NEXN: variants seen among roughly 807,000 people sequenced by gnomAD.
NEXN encodes nexilin F-actin binding protein, also known as nexilin.
A neutral mutation model predicts 92.6 loss-of-function variants in NEXN; 65 were observed. The ratio of observed to expected loss-of-function variants is 0.70; its 90% CI spans 0.57 to 0.86. The LOEUF (loss-of-function observed/expected upper bound fraction) is 0.86, where lower values mean the gene tolerates loss of function less well. Among genes scored for constraint, NEXN ranks in the 40% least tolerant of loss-of-function variants. NEXN has a pLI of 0.00. For missense variants in NEXN, 778 were observed against 771.1 expected (o/e 1.01, Z -0.11); for synonymous variants, 254 against 242.5 (o/e 1.05, Z -0.44).
intron 5 of NEXN, among the ~76,000 whole-genome samples, chr1:77,923,996 A>G (rs1460182880): frequency 6.6e-6 from 1 of 151,506 alleles, no homozygotes; most frequent in African/African-American, 2.4e-5. Context: ...TTTTTAAATG[A>G]GGAGCTTTCC....
intron 9 of NEXN, among the ~76,000 whole-genome samples, chr1:77,931,446 C>T (rs1037524497): frequency 3.3e-4 from 45 of 136,612 alleles, no homozygotes; most frequent in Admixed American, 1.4e-3. Flanking sequence ...AAAAAAGAAG[C>T]GGTAGAAGAG....
Position 77,942,382 on chromosome 1 carries a change from T to A in NEXN, c.1660-79T>A, listed in dbSNP as rs529057540. On this transcript the variant is annotated intron_variant, in intron 12 of 12. Coordinates refer to ENST00000334785, the MANE Select transcript of NEXN (RefSeq NM_144573.4). ...TATGTTCTTTACTTAAAAAAAAAAA[T>A]TTCATTTCAAAATTGTTACTAAATC... 2.5e-4 allele frequency: 371 copies of A among 1,508,936 alleles called. 1 individual carries two copies. The African/African-American group carries it at 3.6e-3, about 15-fold the overall frequency. 93.5% of individuals were successfully genotyped at this position (1,508,936 alleles called of 1,614,324 possible). A position where few individuals can be genotyped will look rare whatever the true frequency, so the allele number is the denominator to read the frequency against.
chr1:77,890,497 C>T (rs1311336027), intron 1 of NEXN, among the ~76,000 whole-genome samples: 5 of 152,106 alleles, frequency 3.3e-5, no homozygotes, highest in Non-Finnish European at 7.4e-5. Context: ...AAATGTATGT[C>T]ATCTTGAGAT....
chr1:77,935,411 G>A (rs1650668147), intron 10 of NEXN, among the ~76,000 whole-genome samples: 1 of 152,152 alleles, frequency 6.6e-6, no homozygotes, highest in South Asian at 2.1e-4. Flanking sequence ...AGCTAATCTT[G>A]TCATGAATAT....
At chr1:77,941,946 AAAC>A in intron 11 of NEXN, 74 bp from the exon 12 acceptor site, 1 of 1,428,428 alleles carries the variant, frequency 7.0e-7, no homozygotes, top group South Asian at 1.2e-5. Flanking sequence ...TTGTGCTTCT[AAAC>A]ACCTTTAGAA....
At chr1:77,919,617 CTT>C (rs1000640087) in intron 5 of NEXN, among the ~76,000 whole-genome samples, 13 of 139,140 alleles carry the variant, frequency 9.3e-5, no homozygotes, top group Admixed American at 1.5e-4. Flanking sequence ...GAGTTTTGCT[CTT>C]GTCGCCCAGG....
At chr1:77,937,663 T>C (rs1006513769) in intron 11 of NEXN, among the ~76,000 whole-genome samples, 3 of 152,120 alleles carry the variant, frequency 2.0e-5, no homozygotes, top group Admixed American at 2.0e-4. Context: ...CACTCTAGCC[T>C]TGGCGACAGA....
intron 10 of NEXN, among the ~76,000 whole-genome samples, chr1:77,934,635 C>T (rs1035350854): frequency 2.9e-4 from 44 of 152,196 alleles, no homozygotes; most frequent in African/African-American, 1.0e-3. Context: ...CTTCCCTCTT[C>T]GGACTCTGCT....
At chr1:77,940,331 A>G (rs981518485) in intron 11 of NEXN, among the ~76,000 whole-genome samples, 5 of 152,214 alleles carry the variant, frequency 3.3e-5, no homozygotes, top group African/African-American at 1.2e-4. Flanking sequence ...ATGGGCTGAG[A>G]GTACCAATGC....
intron 1 of NEXN, among the ~76,000 whole-genome samples, chr1:77,890,064 G>GA (rs1295297910): frequency 2.6e-5 from 4 of 152,032 alleles, no homozygotes; most frequent in Non-Finnish European, 5.9e-5. Context: ...GTATTGTTAA[G>GA]AAAAAATGCA....
At chr1:77,924,935 C>T (rs935807986) in intron 5 of NEXN, among the ~76,000 whole-genome samples, 3 of 152,192 alleles carry the variant, frequency 2.0e-5, no homozygotes, top group Non-Finnish European at 2.9e-5. Context: ...GCTGGGATTA[C>T]AGGCATGAGC....
intron 1 of NEXN, among the ~76,000 whole-genome samples, chr1:77,913,866 C>T (rs972040102): frequency 6.6e-6 from 1 of 152,158 alleles, no homozygotes; most frequent in African/African-American, 2.4e-5. Context: ...AATGGATAAA[C>T]TGTGGTACAT....
At chr1:77,897,565 CAAAAACTGGAAGCATTCCCTTT>C (rs1557959670) in intron 1 of NEXN, among the ~76,000 whole-genome samples, 2 of 151,948 alleles carry the variant, frequency 1.3e-5, no homozygotes, top group Non-Finnish European at 2.9e-5. Flanking sequence ...ACTGAATGGA[CAAAAACTGGAAGCATTCCCTTT>C]GAAAACTGGC....
At chr1:77,936,071 T>C in intron 11 of NEXN, 27 bp downstream of exon 11, 1 of 1,473,918 alleles carries the variant, frequency 6.8e-7, no homozygotes, top group Non-Finnish European at 9.5e-7. Flanking sequence ...TTTAACATAG[T>C]TATGGTACAG....
Position 77,943,407 on chromosome 1 carries a change from T to A in NEXN, c.*578T>A, listed in dbSNP as rs184159947. ...TAGTACACCATTTTGGTTGTTGTAGTTTCAAAGTCTTTCTGAAGCAGATAT... is the reference window on the plus strand; with the variant it reads ...TAGTACACCATTTTGGTTGTTGTAGATTCAAAGTCTTTCTGAAGCAGATAT... On this transcript the variant is annotated 3_prime_UTR_variant, in exon 13 of 13. Transcript: ENST00000334785. 1.7e-4 allele frequency: 28 copies of A among 164,054 alleles called. No homozygotes were observed. Among genetic ancestry groups the A allele is most frequent in the Admixed American group, 7.1e-4 (12 of 16,938 alleles). 10.2% of individuals were successfully genotyped at this position (164,054 alleles called of 1,614,324 possible).
intron 6 of NEXN, among the ~76,000 whole-genome samples, chr1:77,925,814 T>C (rs1345722494): frequency 6.6e-6 from 1 of 152,114 alleles, no homozygotes; most frequent in African/African-American, 2.4e-5. Flanking sequence ...ACCACTCTTC[T>C]TAGTTTTTAA....
At chr1:77,931,447 G>A (rs900313443) in intron 9 of NEXN, among the ~76,000 whole-genome samples, 29 of 144,906 alleles carry the variant, frequency 2.0e-4, no homozygotes, top group African/African-American at 6.9e-4. Context: ...AAAAAGAAGC[G>A]GTAGAAGAGA....
At chr1:77,907,343 T>C (rs369053555) in intron 1 of NEXN, among the ~76,000 whole-genome samples, 4 of 152,242 alleles carry the variant, frequency 2.6e-5, no homozygotes, top group African/African-American at 9.6e-5. Context: ...GAATCTTATA[T>C]GTATTTACAG....
At chr1:77,939,363 C>G (rs921184376) in intron 11 of NEXN, among the ~76,000 whole-genome samples, 3 of 152,124 alleles carry the variant, frequency 2.0e-5, no homozygotes, top group African/African-American at 7.2e-5. Context: ...CTTTTACAGA[C>G]AGCACTGGAA....
Sources: gnomAD v4.1 joint callset for allele counts (sites outside exome capture counted in the v4.1 genomes callset) on GRCh38, gnomAD v4.1.1 for gene constraint, MANE v1.5 for transcripts, NCBI Gene and HGNC (gene_info 2026-07-23, HGNC 2026-07-21) for gene names.